The following SLF2 variants were observed in gnomAD, a reference collection of about 807,000 sequenced individuals.
SLF2 encodes SMC5-SMC6 complex localization factor protein 2.
SLF2 carries 68 observed loss-of-function variants against 124.3 expected under a neutral mutation model. That is an observed-to-expected ratio of 0.55 (90% CI 0.45 to 0.67). The LOEUF is 0.67. Among genes scored for constraint, SLF2 ranks in the 30% least tolerant of loss-of-function variants. The probability of loss-of-function intolerance (pLI) is 0.00; values close to 1 mark genes in which losing one functional copy is unlikely to be tolerated. For missense variants in SLF2, 1,246 were observed against 1,373.7 expected (o/e 0.91, Z 1.47); for synonymous variants, 480 against 478.8 (o/e 1.00, Z -0.03).
At chr10:100,916,135 T>TAA (rs1849408631) in intron 2 of SLF2, 93 bp downstream of exon 2, 1 of 894,048 alleles carries the variant, frequency 1.1e-6, no homozygotes, top group African/African-American at 1.7e-5. Flanking sequence ...ACTGTTTTAG[T>TAA]AAACGTAGTG....
At chr10:100,944,480 G>A (rs1350125466) in intron 12 of SLF2, among the ~76,000 whole-genome samples, 1 of 120,406 alleles carries the variant, frequency 8.3e-6, no homozygotes, top group African/African-American at 3.1e-5. Context: ...GGGCAACAGA[G>A]CAAGACTCTG....
chr10:100,927,297 C>T (rs1331659061), intron 6 of SLF2, among the ~76,000 whole-genome samples: 2 of 130,560 alleles, frequency 1.5e-5, no homozygotes, highest in Non-Finnish European at 3.6e-5. Context: ...TCTACTTTGT[C>T]TCTATGAAAT....
intron 4 of SLF2, among the ~76,000 whole-genome samples, chr10:100,919,202 G>A (rs1460263081): frequency 6.6e-6 from 1 of 151,682 alleles, no homozygotes; most frequent in African/African-American, 2.4e-5. Flanking sequence ...TAGTGGAGAC[G>A]GGGTTTCACC....
chr10:100,951,347 A>C (rs955308788), intron 17 of SLF2, among the ~76,000 whole-genome samples: 3 of 152,240 alleles, frequency 2.0e-5, no homozygotes, highest in African/African-American at 7.2e-5. Flanking sequence ...ATAAGATACC[A>C]ACATCACCAA....
chr10:100,950,016 C>A, intron 15 of SLF2, 60 bp from the exon 16 acceptor site: 1 of 1,441,972 alleles, frequency 6.9e-7, no homozygotes, highest in Non-Finnish European at 9.2e-7. Context: ...AAAAAAATAG[C>A]CTAAGAAAGA....
At chr10:100,929,251 A>T in intron 6 of SLF2, 66 bp from the exon 7 acceptor site, 1 of 1,444,252 alleles carries the variant, frequency 6.9e-7, no homozygotes, top group Non-Finnish European at 9.2e-7. Context: ...GCTTTTAGAT[A>T]TAAACTAAAG....
At chr10:100,945,177 G>A (rs979272909) in intron 12 of SLF2, among the ~76,000 whole-genome samples, 153 bp from the exon 13 acceptor site, 3 of 152,158 alleles carry the variant, frequency 2.0e-5, no homozygotes, top group Non-Finnish European at 4.4e-5. Flanking sequence ...TATTAACATT[G>A]AGTAGTTCTT....
chr10:100,932,000 A>T (rs1300825251), intron 9 of SLF2, among the ~76,000 whole-genome samples: 2 of 152,164 alleles, frequency 1.3e-5, no homozygotes, highest in Non-Finnish European at 2.9e-5. Context: ...TCAAAAAAAA[A>T]AAAGACATTT....
At position 100,916,724 on chromosome 10, in the gene SLF2, A is replaced by G; in HGVS notation, c.339A>G (p.Glu113=). The G allele has an allele frequency of 6.4e-7, 1 of 1,570,876 alleles. No homozygotes were observed. Among genetic ancestry groups the G allele is most frequent in the Non-Finnish European group, 8.6e-7 (1 of 1,164,554 alleles). The change falls in exon 3 of 20, where the codon GAA becomes GAG. Residue 113 remains glutamate (E), a synonymous_variant. Transcript: ENST00000238961. ...RVPPEKSPII[E]AFMKGVKEHH... is the part of the protein sequence containing the mutation. ...CACCAGAAAAGAGCCCTATTATAGA[A>G]GCTTTCATGAAAGGTGTTAAAGAGC...
At position 100,938,672 on chromosome 10, in the gene SLF2, A is replaced by T; in HGVS notation, c.2590A>T (p.Ile864Phe). 6.2e-7 allele frequency: 1 copy of T among 1,613,590 alleles called. No homozygotes were observed. The highest frequency in any genetic ancestry group is 1.1e-5 in the South Asian group (1 of 91,034). The change falls in exon 11 of 20, where the codon ATT becomes TTT. Residue 864 changes from isoleucine (I) to phenylalanine (F), a missense_variant. Ile to Phe is a conservative substitution (Grantham distance 21, BLOSUM62 0). This residue lies in a region of SLF2 where 535 missense variants were observed against 632.8 expected (regional missense o/e 0.85). Coordinates refer to ENST00000238961, the MANE Select transcript of SLF2 (RefSeq NM_018121.4). ...DVAAVFFNMG[I>F]DFRSLFPLEN... ...AGCAGCTGTGTTTTTCAATATGGGG[A>T]TTGATTTTAGATCTTTGTTTCCCCT...
intron 1 of SLF2, chr10:100,913,491 A>G (rs1424846345): frequency 7.9e-7 from 1 of 1,262,292 alleles, no homozygotes; most frequent in Non-Finnish European, 1.0e-6. Context: ...GCTACGGAGA[A>G]CCCGCCTTAG....
chr10:100,938,675 G>A lies in SLF2; in HGVS notation c.2593G>A (p.Asp865Asn), dbSNP rs775271431. Residue 865 changes from aspartate (D) to asparagine (N), a missense_variant, in exon 11 of 20, where the codon GAT (aspartate) becomes AAT (asparagine). Around this residue, in one of 3 missense-constraint regions of SLF2, gnomAD observed 535 missense variants for 632.8 expected, o/e 0.85. Coordinates refer to ENST00000238961, the MANE Select transcript of SLF2 (RefSeq NM_018121.4). ...VAAVFFNMGI[D>N]FRSLFPLENL... ...AGCTGTGTTTTTCAATATGGGGATTGATTTTAGATCTTTGTTTCCCCTGGA... is the reference window on the plus strand; with the variant it reads ...AGCTGTGTTTTTCAATATGGGGATTAATTTTAGATCTTTGTTTCCCCTGGA... 27 of 1,613,534 alleles carry A rather than the reference G, an allele frequency of 1.7e-5. 1 individual carries two copies. The South Asian group carries it at 2.6e-4, about 16-fold the overall frequency.
At chr10:100,949,947 A>G in intron 15 of SLF2, 129 bp from the exon 16 acceptor site, 1 of 920,894 alleles carries the variant, frequency 1.1e-6, no homozygotes, top group East Asian at 2.7e-5. Flanking sequence ...GGGAAAATGG[A>G]TATTGTTAAG....
chr10:100,950,378 C>A (rs1159231082), intron 16 of SLF2, among the ~76,000 whole-genome samples, 171 bp downstream of exon 16: 3 of 152,156 alleles, frequency 2.0e-5, no homozygotes, highest in African/African-American at 7.2e-5. Flanking sequence ...GAAATTCTTC[C>A]ATAAATTTGA....
rs184228743 is a variant in SLF2 at position 100,962,871 on chromosome 10, G to A, written c.*959G>A. The A allele has an allele frequency of 1.3e-3, 200 of 152,330 alleles. No homozygotes were observed. The highest frequency in any genetic ancestry group is 3.4e-3 in the Admixed American group (52 of 15,232). The allele number at this position is 152,330 out of a possible 1,614,324, so 9.4% of individuals were successfully genotyped here. A position where few individuals can be genotyped will look rare whatever the true frequency, so the allele number is the denominator to read the frequency against. On this transcript the variant is annotated 3_prime_UTR_variant, in exon 20 of 20. Coordinates refer to ENST00000238961, the MANE Select transcript of SLF2 (RefSeq NM_018121.4). The stretch of plus-strand genomic sequence containing the variant: ...TGTGTGTGTGTGTGTGTGTGTGTGC[G>A]CTTGTATCTTGAAGTTGTTGCACTT...
At chr10:100,954,869 CTA>C (rs557562225) in intron 17 of SLF2, among the ~76,000 whole-genome samples, 216 of 152,090 alleles carry the variant, frequency 1.4e-3, no homozygotes, top group Middle Eastern at 0.01. Context: ...TTACTTGAGC[CTA>C]TGAGTTCAAA....
At chr10:100,936,786 TTCATG>T (rs1181246576) in intron 9 of SLF2, among the ~76,000 whole-genome samples, 1 of 152,184 alleles carries the variant, frequency 6.6e-6, no homozygotes, top group Non-Finnish European at 1.5e-5. Context: ...GTTTTTTGGT[TTCATG>T]TCATGCTGTA....
chr10:100,924,316 C>T lies in SLF2; in HGVS notation c.1315C>T (p.Pro439Ser). The T allele has an allele frequency of 4.3e-6, 7 of 1,614,022 alleles. No individual in the cohort carries two copies. The highest frequency in any genetic ancestry group is 5.9e-6 in the Non-Finnish European group (7 of 1,179,996). The change falls in exon 5 of 20, where the codon CCC (proline) becomes TCC (serine). Residue 439 changes from proline (P) to serine (S), a missense_variant. Around this residue, in one of 3 missense-constraint regions of SLF2, gnomAD observed 698 missense variants for 708.9 expected, o/e 0.98. Coordinates refer to ENST00000238961, the MANE Select transcript of SLF2 (RefSeq NM_018121.4). Reference protein sequence around the residue: ...AGTKETKMQKPHLPLSQEKSA... With the variant: ...AGTKETKMQKSHLPLSQEKSA... ...TACCAAGGAGACTAAGATGCAGAAA[C>T]CCCACTTACCTTTATCTCAGGAAAA...
chr10:100,943,028 T>A (rs181478534), intron 11 of SLF2, among the ~76,000 whole-genome samples: 22 of 152,208 alleles, frequency 1.4e-4, no homozygotes, highest in Admixed American at 5.2e-4. Context: ...ATTAAAGCAT[T>A]AGCCATTTTA....
Sources: allele counts gnomAD v4.1 joint callset (sites outside exome capture counted in the v4.1 genomes callset), GRCh38; gene constraint gnomAD v4.1.1; regional missense constraint gnomAD v4.1.1; transcripts MANE v1.5; gene names NCBI Gene and HGNC (gene_info 2026-07-23, HGNC 2026-07-21).